Variants in C1orf21 observed in about 807,000 individuals in gnomAD.
C1orf21 encodes the protein chromosome 1 open reading frame 21, also known as uncharacterized protein C1orf21.
C1orf21 carries 3 observed loss-of-function variants against 18.7 expected under a neutral mutation model. That is an observed-to-expected ratio of 0.16 (90% CI 0.07 to 0.42). C1orf21 has a LOEUF of 0.42. Among genes scored for constraint, C1orf21 ranks in the 10% least tolerant of loss-of-function variants. C1orf21 has a pLI of 0.99. For missense variants in C1orf21, 104 were observed against 143.6 expected (o/e 0.72, Z 1.41); for synonymous variants, 41 against 46.4 (o/e 0.88, Z 0.47).
chr1:184,551,784 A>G (rs1340879391), intron 3 of C1orf21, among the ~76,000 whole-genome samples: 3 of 152,116 alleles, frequency 2.0e-5, no homozygotes, highest in Non-Finnish European at 4.4e-5. Context: ...AGGTGGGAGC[A>G]TCACTCGAGG....
intron 2 of C1orf21, among the ~76,000 whole-genome samples, chr1:184,482,866 G>A (rs762741076): frequency 2.7e-4 from 41 of 152,196 alleles, no homozygotes; most frequent in East Asian, 1.4e-3. Context: ...CAGTTTGGGC[G>A]CCATGATGTC....
At chr1:184,486,186 C>CA (rs1281208782) in intron 2 of C1orf21, among the ~76,000 whole-genome samples, 2 of 152,128 alleles carry the variant, frequency 1.3e-5, no homozygotes, top group Non-Finnish European at 2.9e-5. Flanking sequence ...AGAAGGTGCT[C>CA]AAAATATGTT....
At chr1:184,590,281 A>T (rs1461157555) in intron 3 of C1orf21, among the ~76,000 whole-genome samples, 3 of 152,214 alleles carry the variant, frequency 2.0e-5, no homozygotes, top group African/African-American at 7.2e-5. Context: ...CGTGGGTTTT[A>T]GTCATGTTCC....
At chr1:184,617,662 T>G (rs1659849220) in intron 5 of C1orf21, among the ~76,000 whole-genome samples, 1 of 152,170 alleles carries the variant, frequency 6.6e-6, no homozygotes, top group African/African-American at 2.4e-5. Context: ...ACCCAGCTTC[T>G]CTGCTCAGGA....
At chr1:184,411,512 C>T (rs899169974) in intron 1 of C1orf21, among the ~76,000 whole-genome samples, 8 of 150,798 alleles carry the variant, frequency 5.3e-5, no homozygotes, top group South Asian at 4.2e-4. Context: ...AGCTCCGCCT[C>T]CCGGGTTCAC....
intron 3 of C1orf21, among the ~76,000 whole-genome samples, chr1:184,577,953 G>GTTTTTT (rs1257021237): frequency 1.1e-3 from 122 of 108,902 alleles, no homozygotes; most frequent in Non-Finnish European, 1.9e-3. Context: ...TTTTGTTTTT[G>GTTTTTT]TTTTTTTTTT....
rs192503324 is a variant in C1orf21, at chr1:184,507,531, A to G, written c.95-57A>G. On this transcript the variant is annotated intron_variant, in intron 2 of 5. Coordinates refer to ENST00000235307, the MANE Select transcript of C1orf21 (RefSeq NM_030806.4). ...ACACTATTGGGATTTTCTGACTGAC[A>G]CTTTTCTACTATTGGGAAAAAAATT... The G allele has an allele frequency of 8.7e-4, 1,246 of 1,428,262 alleles. 11 individuals are homozygous for G. Among genetic ancestry groups the G allele is most frequent in the Middle Eastern group, 4.0e-3 (23 of 5,680 alleles). The allele number at this position is 1,428,262 out of a possible 1,614,324, so 88.5% of individuals were successfully genotyped here.
At chr1:184,414,212 G>A (rs1311123841) in intron 1 of C1orf21, among the ~76,000 whole-genome samples, 3 of 152,064 alleles carry the variant, frequency 2.0e-5, no homozygotes, top group African/African-American at 7.2e-5. Flanking sequence ...GCTCACCGTG[G>A]CCTCGACTCC....
At position 184,627,662 on chromosome 1, in the gene C1orf21, T is replaced by C. The variant is rs1421276547; in HGVS notation, c.*8106T>C. On this transcript the variant is annotated 3_prime_UTR_variant, in exon 6 of 6. Coordinates refer to ENST00000235307, the MANE Select transcript of C1orf21 (RefSeq NM_030806.4). ...ACTGAGGAATTTGTAATTCTGAGGC[T>C]AGCGATGCCCACTCGGATATTCCGC... is the stretch of plus-strand genomic sequence containing the variant. The C allele has an allele frequency of 6.6e-6, 1 of 152,254 alleles. No homozygotes were observed. Among genetic ancestry groups the C allele is most frequent in the Non-Finnish European group, 1.5e-5 (1 of 68,062 alleles). 9.4% of individuals were successfully genotyped at this position (152,254 alleles called of 1,614,324 possible).
intron 1 of C1orf21, among the ~76,000 whole-genome samples, chr1:184,451,342 G>A (rs2101979685): frequency 6.6e-6 from 1 of 152,136 alleles, no homozygotes; most frequent in South Asian, 2.1e-4. Context: ...CCAGACTGGA[G>A]TGCAACGGCA....
intron 1 of C1orf21, among the ~76,000 whole-genome samples, chr1:184,433,567 T>C (rs1656806260): frequency 6.6e-6 from 1 of 152,204 alleles, no homozygotes; most frequent in African/African-American, 2.4e-5. Flanking sequence ...ACCATTGCTG[T>C]CCATCAGGAA....
At chr1:184,392,225 G>A (rs943907370) in intron 1 of C1orf21, among the ~76,000 whole-genome samples, 8 of 152,150 alleles carry the variant, frequency 5.3e-5, no homozygotes, top group African/African-American at 1.9e-4. Context: ...GGCTGCAGCC[G>A]TAGCAGTCAG....
chr1:184,578,413 A>C (rs1464409044), intron 3 of C1orf21, among the ~76,000 whole-genome samples: 1 of 152,232 alleles, frequency 6.6e-6, no homozygotes, highest in Non-Finnish European at 1.5e-5. Flanking sequence ...GAGAAATTAG[A>C]AATGGAGAAA....
intron 1 of C1orf21, among the ~76,000 whole-genome samples, chr1:184,470,132 T>C (rs58231072): frequency 0.052 from 7,960 of 152,264 alleles, 336 homozygotes; most frequent in East Asian, 0.18. Context: ...TCTCTCGTTA[T>C]CTCTGTCTGT....
chr1:184,477,174 G>A lies in C1orf21; in HGVS notation c.-124-212G>A, dbSNP rs188087606. 2.6e-3 allele frequency among the ~76,000 whole-genome samples: 399 copies of A among 152,206 alleles called. 1 individual carries two copies. Among genetic ancestry groups the A allele is most frequent in the Middle Eastern group, 0.01 (3 of 294 alleles). On this transcript the variant is annotated intron_variant, in intron 1 of 5. Coordinates refer to ENST00000235307, the MANE Select transcript of C1orf21 (RefSeq NM_030806.4). Reference sequence around the variant, plus strand: ...CACTCCTTGGCCATGTGTTGCATAGGGACATGCCTTTCCATCTTGCTTTCT... The same window carrying A: ...CACTCCTTGGCCATGTGTTGCATAGAGACATGCCTTTCCATCTTGCTTTCT...
intron 1 of C1orf21, among the ~76,000 whole-genome samples, chr1:184,391,717 CT>C (rs574330395): frequency 5.9e-4 from 85 of 145,114 alleles, no homozygotes; most frequent in Non-Finnish European, 5.5e-4. Flanking sequence ...TTCTTTCTTT[CT>C]TTTTTTTTTT....
intron 1 of C1orf21, among the ~76,000 whole-genome samples, chr1:184,432,252 G>T (rs1448278776): frequency 6.6e-6 from 1 of 152,210 alleles, no homozygotes; most frequent in Non-Finnish European, 1.5e-5. Context: ...ATTCACAATA[G>T]CAAAGACTTG....
chr1:184,614,921 T>A (rs1317852640), intron 5 of C1orf21, among the ~76,000 whole-genome samples: 1 of 152,146 alleles, frequency 6.6e-6, no homozygotes, highest in African/African-American at 2.4e-5. Flanking sequence ...GCCTAATTCC[T>A]AACAGGCCAT....
At chr1:184,411,334 C>G (rs1042098231) in intron 1 of C1orf21, among the ~76,000 whole-genome samples, 1 of 151,344 alleles carries the variant, frequency 6.6e-6, no homozygotes, top group African/African-American at 2.4e-5. Flanking sequence ...GCTTTCCATA[C>G]TATCAAGTCA....
Sources: allele counts gnomAD v4.1 joint callset (sites outside exome capture counted in the v4.1 genomes callset), GRCh38; gene constraint gnomAD v4.1.1; transcripts MANE v1.5; gene names NCBI Gene and HGNC (gene_info 2026-07-23, HGNC 2026-07-21).